FAF1: variants seen among roughly 807,000 people sequenced by gnomAD.
FAF1 encodes FAS-associated factor 1.
Under a neutral mutation model 92.5 loss-of-function variants are expected in FAF1, and 25 were observed. The observed-to-expected ratio is 0.27, with a 90% CI of 0.20 to 0.38. The LOEUF (loss-of-function observed/expected upper bound fraction) is 0.38. Among genes scored for constraint, FAF1 ranks in the 10% least tolerant of loss-of-function variants. The pLI is 1.00. For synonymous variants in FAF1, 234 were observed against 273.2 expected (o/e 0.86, Z 1.42); for missense variants, 636 against 793.3 (o/e 0.80, Z 2.38).
chr1:50,783,260 A>G (rs559043336), intron 4 of FAF1, among the ~76,000 whole-genome samples: 5 of 152,190 alleles, frequency 3.3e-5, no homozygotes, highest in African/African-American at 4.8e-5. Context: ...AGATGGTAAC[A>G]TTAGGGCATG....
At chr1:50,469,396 G>C (rs1456402305) in intron 18 of FAF1, 2 of 152,214 alleles carry the variant, frequency 1.3e-5, no homozygotes, top group East Asian at 3.8e-4. Flanking sequence ...ATAATTCTGT[G>C]AATGTATTTT....
chr1:50,852,100 T>C (rs1169824135), intron 2 of FAF1, among the ~76,000 whole-genome samples: 1 of 152,038 alleles, frequency 6.6e-6, no homozygotes, highest in African/African-American at 2.4e-5. Context: ...ATGACATGCT[T>C]AGAAAAAAAA....
intron 12 of FAF1, among the ~76,000 whole-genome samples, chr1:50,579,808 T>C (rs1319525970): frequency 1.3e-5 from 2 of 152,148 alleles, no homozygotes; most frequent in Admixed American, 6.5e-5. Context: ...ATTTAAGATA[T>C]CTAATACTCA....
intron 18 of FAF1, among the ~76,000 whole-genome samples, chr1:50,455,034 C>T (rs549816013): frequency 6.6e-6 from 1 of 152,354 alleles, no homozygotes; most frequent in East Asian, 1.9e-4. Context: ...GCTGCATCCT[C>T]AGACCTCTTC....
intron 2 of FAF1, among the ~76,000 whole-genome samples, chr1:50,832,868 TA>T (rs559070709): frequency 2.6e-5 from 4 of 151,616 alleles, no homozygotes; most frequent in Admixed American, 6.6e-5. Context: ...AAGGCAGAAA[TA>T]AAAAAAAATT....
chr1:50,741,182 G>A (rs1659371673), intron 5 of FAF1, among the ~76,000 whole-genome samples: 1 of 152,204 alleles, frequency 6.6e-6, no homozygotes, highest in African/African-American at 2.4e-5. Flanking sequence ...GAAGCCTGTT[G>A]GAGAAGGTAA....
At chr1:50,737,861 CA>C (rs1248057152) in intron 6 of FAF1, among the ~76,000 whole-genome samples, 1 of 151,748 alleles carries the variant, frequency 6.6e-6, no homozygotes, top group Non-Finnish European at 1.5e-5. Flanking sequence ...CTCCCTACCA[CA>C]AAAAAATCAC....
chr1:50,509,240 G>A (rs1647101162), intron 15 of FAF1, among the ~76,000 whole-genome samples: 1 of 152,144 alleles, frequency 6.6e-6, no homozygotes. Flanking sequence ...AAGAGAGAGA[G>A]AAAAATATTT....
At chr1:50,799,159 T>A (rs1259528032) in intron 3 of FAF1, among the ~76,000 whole-genome samples, 1 of 152,230 alleles carries the variant, frequency 6.6e-6, no homozygotes, top group Non-Finnish European at 1.5e-5. Flanking sequence ...CTGACTGATC[T>A]TGAAGAAGAC....
intron 1 of FAF1, among the ~76,000 whole-genome samples, chr1:50,923,545 T>C (rs1557590891): frequency 6.6e-6 from 1 of 151,378 alleles, no homozygotes; most frequent in South Asian, 2.1e-4. Context: ...ATTCAAAAAA[T>C]TAAAAAGAAG....
chr1:50,802,102 T>C (rs1391654853), intron 2 of FAF1, among the ~76,000 whole-genome samples: 1 of 152,150 alleles, frequency 6.6e-6, no homozygotes, highest in Non-Finnish European at 1.5e-5. Flanking sequence ...ATTCTTTTTT[T>C]TTTTTGAGAT....
intron 1 of FAF1, among the ~76,000 whole-genome samples, chr1:50,891,196 G>A (rs1174072128): frequency 6.6e-6 from 1 of 152,036 alleles, no homozygotes; most frequent in Non-Finnish European, 1.5e-5. Context: ...CTTGTGCCAC[G>A]GTTTTCAGTT....
chr1:50,565,080 T>G (rs558155249), intron 13 of FAF1, among the ~76,000 whole-genome samples: 4 of 152,210 alleles, frequency 2.6e-5, no homozygotes, highest in African/African-American at 9.6e-5. Context: ...TTACAGATTG[T>G]TTCATCAACC....
chr1:50,511,614 A>G (rs539215657), intron 15 of FAF1, among the ~76,000 whole-genome samples: 8 of 152,262 alleles, frequency 5.3e-5, no homozygotes, highest in African/African-American at 1.7e-4. Context: ...CCCGTGGTGT[A>G]TATGTGCCAT....
intron 6 of FAF1, among the ~76,000 whole-genome samples, chr1:50,735,068 C>A (rs981472044): frequency 6.6e-6 from 1 of 152,084 alleles, no homozygotes; most frequent in Non-Finnish European, 1.5e-5. Context: ...AGAATATTTT[C>A]TATACAGGAA....
At chr1:50,501,485 C>A (rs1173788204) in intron 15 of FAF1, among the ~76,000 whole-genome samples, 1 of 151,944 alleles carries the variant, frequency 6.6e-6, no homozygotes, top group African/African-American at 2.4e-5. Context: ...TATGGTGAAA[C>A]CCTGTCTCTA....
intron 13 of FAF1, among the ~76,000 whole-genome samples, chr1:50,565,152 C>G (rs576852487): frequency 6.6e-6 from 1 of 151,964 alleles, no homozygotes; most frequent in East Asian, 1.9e-4. Flanking sequence ...AAATATAACA[C>G]CTTTTAAATT....
At chr1:50,644,116 T>G (rs1654469205) in intron 8 of FAF1, among the ~76,000 whole-genome samples, 1 of 152,344 alleles carries the variant, frequency 6.6e-6, no homozygotes, top group Admixed American at 6.5e-5. Context: ...TGCAGTAACT[T>G]TTAATTGGAT....
chr1:50,851,494 T>C (rs1261981005), intron 2 of FAF1, among the ~76,000 whole-genome samples: 1 of 152,182 alleles, frequency 6.6e-6, no homozygotes, highest in Non-Finnish European at 1.5e-5. Flanking sequence ...TTTCATTTAG[T>C]TTATTTTCTA....
Sources: allele counts gnomAD v4.1 joint callset (sites outside exome capture counted in the v4.1 genomes callset), GRCh38; gene constraint gnomAD v4.1.1; transcripts MANE v1.5; gene names NCBI Gene and HGNC (gene_info 2026-07-23, HGNC 2026-07-21).